The following MBD3L1 variants were observed in gnomAD, a reference collection of about 807,000 sequenced individuals.
MBD3L1 encodes methyl-CpG binding domain protein 3 like 1.
For synonymous variants in MBD3L1, 84 were observed against 85.1 expected (o/e 0.99, Z 0.07); for missense variants, 203 against 230.1 (o/e 0.88, Z 0.76).
chr19:8,842,678 G>A lies in MBD3L1; in HGVS notation c.-1G>A. Reference sequence around the variant, plus strand: ...AATAGTGTAAGAGGAAAAGAAGTGTGATGGCCAAGAGTTCACAGAGGAAGC... The same window carrying A: ...AATAGTGTAAGAGGAAAAGAAGTGTAATGGCCAAGAGTTCACAGAGGAAGC... On this transcript the variant is annotated 5_prime_UTR_variant, in exon 3 of 3. Transcript: ENST00000595891. The A allele has an allele frequency of 6.2e-7, 1 of 1,612,108 alleles. No homozygotes were observed. Among genetic ancestry groups the A allele is most frequent in the Non-Finnish European group, 8.5e-7 (1 of 1,178,816 alleles).
rs778924942 is a variant in MBD3L1 at position 8,842,900 on chromosome 19, C to T, written c.222C>T (p.Leu74=). The stretch of plus-strand genomic sequence containing the variant: ...GCTGGCAGAGGAGACTGCAGGGACT[C>T]CAGGCTTACAGCAGTGCAGGAGAAC... ...QVCWQRRLQG[L]QAYSSAGELS... Residue 74 remains leucine (L), a synonymous_variant, in exon 3 of 3, where the codon CTC becomes CTT. Transcript: ENST00000595891. 1.9e-6 allele frequency: 3 copies of T among 1,614,214 alleles called. No individual in the cohort carries two copies. Among genetic ancestry groups the T allele is most frequent in the East Asian group, 2.2e-5 (1 of 44,888 alleles).
In MBD3L1 at chr19:8,837,583, G is replaced by C. The variant is rs563331621; in HGVS notation, c.-106-3332G>C. 7.9e-5 allele frequency among the ~76,000 whole-genome samples: 12 copies of C among 152,242 alleles called. No individual in the cohort carries two copies. In the East Asian group the frequency reaches 2.3e-3, roughly 29 times the overall value. ...GTGGCTAGAAACTTCTCTGGCTGGA[G>C]GGCAGAAGGCAGAGTGCAAAGTTTT... On this transcript the variant is annotated intron_variant, in intron 1 of 2. Transcript: ENST00000595891.
At chr19:8,836,089 T>G (rs2044452042) in intron 1 of MBD3L1, among the ~76,000 whole-genome samples, 1 of 152,164 alleles carries the variant, frequency 6.6e-6, no homozygotes, top group Admixed American at 6.5e-5. Flanking sequence ...TGCGCAACTG[T>G]GTGAATGTAC....
Position 8,836,234 on chromosome 19 carries a change from T to A in MBD3L1, c.-107+3712T>A, listed in dbSNP as rs569604121. Reference sequence around the variant, plus strand: ...TCTTCAGTTAGGCATAATAAGAGAATAAAAGTGGAAAAATAAAATACTACA... The same window carrying A: ...TCTTCAGTTAGGCATAATAAGAGAAAAAAAGTGGAAAAATAAAATACTACA... On this transcript the variant is annotated intron_variant, in intron 1 of 2. Coordinates refer to ENST00000595891, the MANE Select transcript of MBD3L1 (RefSeq NM_001393532.1). 7.4e-4 allele frequency among the ~76,000 whole-genome samples: 112 copies of A among 152,244 alleles called. 1 individual carries two copies. The highest frequency in any genetic ancestry group is 2.7e-3 in the African/African-American group (111 of 41,550).
intron 1 of MBD3L1, among the ~76,000 whole-genome samples, chr19:8,834,395 G>T (rs990858531): frequency 4.0e-5 from 6 of 151,550 alleles, no homozygotes; most frequent in Admixed American, 3.3e-4. Flanking sequence ...AGATCACGAG[G>T]TCAAGATATC....
chr19:8,838,252 C>CAAAAAA lies in MBD3L1; in HGVS notation c.-106-2637_-106-2632dup, dbSNP rs542318207. On this transcript the variant is annotated intron_variant, in intron 1 of 2. Transcript: ENST00000595891. ...TGGACGACAGAGCAAGACTCCATCT[C>CAAAAAA]AAAAAAAAAAAAAAAAAAAAAAAAA... Among the ~76,000 whole-genome samples, 83 of 11,830 alleles carry CAAAAAA rather than the reference C, an allele frequency of 7.0e-3. 23 individuals are homozygous for CAAAAAA. The highest frequency in any genetic ancestry group is 8.4e-3 in the African/African-American group (34 of 4,046). 7.8% of individuals were successfully genotyped at this position (11,830 alleles called of 152,430 possible).
chr19:8,841,233 T>C (rs1599312680), intron 2 of MBD3L1, among the ~76,000 whole-genome samples: 2 of 150,908 alleles, frequency 1.3e-5, no homozygotes, highest in Admixed American at 6.6e-5. Context: ...GGTTTCACCA[T>C]GTTGGCCAGC....
intron 2 of MBD3L1, among the ~76,000 whole-genome samples, chr19:8,841,451 C>T (rs1426707740): frequency 6.6e-6 from 1 of 152,174 alleles, no homozygotes; most frequent in Non-Finnish European, 1.5e-5. Flanking sequence ...ATCACAGATA[C>T]TTGCTCCTCA....
chr19:8,841,696 AC>A (rs1480475978), intron 2 of MBD3L1, among the ~76,000 whole-genome samples: 1 of 151,946 alleles, frequency 6.6e-6, no homozygotes, highest in Non-Finnish European at 1.5e-5. Flanking sequence ...AGCTGGGATT[AC>A]AGGTGCCCGC....
chr19:8,836,330 G>A (rs1018337663), intron 1 of MBD3L1, among the ~76,000 whole-genome samples: 3 of 151,888 alleles, frequency 2.0e-5, no homozygotes, highest in African/African-American at 7.3e-5. Flanking sequence ...AAAAATGTGA[G>A]TTCTTCTCTT....
At chr19:8,832,777 G>A (rs2044394214) in intron 1 of MBD3L1, among the ~76,000 whole-genome samples, 2 of 152,082 alleles carry the variant, frequency 1.3e-5, no homozygotes, top group African/African-American at 4.8e-5. Flanking sequence ...CAGTTACAGG[G>A]GTGGAGACCT....
chr19:8,832,825 G>A (rs981094728), intron 1 of MBD3L1, among the ~76,000 whole-genome samples: 3 of 152,126 alleles, frequency 2.0e-5, no homozygotes, highest in Non-Finnish European at 4.4e-5. Context: ...ACCAGGCTGT[G>A]GTTGTGACAG....
In MBD3L1 at chr19:8,838,252, C is replaced by CAAAAAAAAAAAAAAAAAAAAAAAAAA. The variant is rs542318207; in HGVS notation, c.-106-2657_-106-2632dup. 2.5e-4 allele frequency among the ~76,000 whole-genome samples: 3 copies of CAAAAAAAAAAAAAAAAAAAAAAAAAA among 11,832 alleles called. 1 individual carries two copies. The highest frequency in any genetic ancestry group is 5.2e-4 in the Non-Finnish European group (3 of 5,804). 7.8% of individuals were successfully genotyped at this position (11,832 alleles called of 152,430 possible). Reference sequence around the variant, plus strand: ...TGGACGACAGAGCAAGACTCCATCTCAAAAAAAAAAAAAAAAAAAAAAAAA... The same window carrying CAAAAAAAAAAAAAAAAAAAAAAAAAA: ...TGGACGACAGAGCAAGACTCCATCTCAAAAAAAAAAAAAAAAAAAAAAAAAAAAAAAAAAAAAAAAAAAAAAAAAAA... On this transcript the variant is annotated intron_variant, in intron 1 of 2. Coordinates refer to ENST00000595891, the MANE Select transcript of MBD3L1 (RefSeq NM_001393532.1).
At chr19:8,834,468 C>T (rs546881150) in intron 1 of MBD3L1, among the ~76,000 whole-genome samples, 3 of 152,040 alleles carry the variant, frequency 2.0e-5, no homozygotes, top group South Asian at 2.1e-4. Flanking sequence ...ATTAGCTGGG[C>T]GTGGTGGCGG....
At chr19:8,838,252 CAAAAAAAAAAAAA>C (rs542318207) in intron 1 of MBD3L1, among the ~76,000 whole-genome samples, 33 of 11,832 alleles carry the variant, frequency 2.8e-3, no homozygotes, top group East Asian at 4.1e-3. Context: ...GACTCCATCT[CAAAAAAAAAAAAA>C]AAAAAAAAAA....
intron 1 of MBD3L1, among the ~76,000 whole-genome samples, chr19:8,836,309 T>C (rs2145343104): frequency 6.6e-6 from 1 of 152,130 alleles, no homozygotes; most frequent in South Asian, 2.1e-4. Context: ...GTGGAAAAAG[T>C]AAAATACTAC....
At position 8,836,025 on chromosome 19, in the gene MBD3L1, G is replaced by A. The variant is rs1018306451; in HGVS notation, c.-107+3503G>A. Among the ~76,000 whole-genome samples the A allele has an allele frequency of 1.3e-5, 2 of 152,172 alleles. 1 individual carries two copies. The highest frequency in any genetic ancestry group is 4.8e-5 in the African/African-American group (2 of 41,448). On this transcript the variant is annotated intron_variant, in intron 1 of 2. Transcript: ENST00000595891. ...GGAAAAGGGAAATGAGGGGAAGTGG[G>A]TAATGGTATGGATTTCATTTTAGAT...
chr19:8,841,849 G>T (rs2044515983), intron 2 of MBD3L1, among the ~76,000 whole-genome samples: 1 of 152,164 alleles, frequency 6.6e-6, no homozygotes, highest in Admixed American at 6.6e-5. Context: ...AAGCCACTGT[G>T]CTGGGTCAGA....
chr19:8,836,415 CTTCT>C (rs1422027789), intron 1 of MBD3L1, among the ~76,000 whole-genome samples: 4 of 151,386 alleles, frequency 2.6e-5, no homozygotes, highest in Non-Finnish European at 4.4e-5. Context: ...CCTCCTCCTT[CTTCT>C]TTCTTCTTTC....
Sources: allele counts gnomAD v4.1 joint callset (sites outside exome capture counted in the v4.1 genomes callset), GRCh38; gene constraint gnomAD v4.1.1; transcripts MANE v1.5; gene names NCBI Gene and HGNC (gene_info 2026-07-23, HGNC 2026-07-21).